The following LONRF1 variants were observed in gnomAD, a reference collection of about 807,000 sequenced individuals.
The protein encoded by LONRF1 is LON peptidase N-terminal domain and RING finger protein 1.
LONRF1 carries 37 observed loss-of-function variants against 85.8 expected under a neutral mutation model. That is an observed-to-expected ratio of 0.43 (90% CI 0.33 to 0.57). LONRF1 has a LOEUF of 0.57. Among genes scored for constraint, LONRF1 ranks in the 20% least tolerant of loss-of-function variants. The probability of loss-of-function intolerance (pLI) is 0.04; values close to 1 mark genes in which losing one functional copy is unlikely to be tolerated. For missense variants in LONRF1, 1,036 were observed against 978.0 expected, an observed-to-expected ratio of 1.06 and a Z score of -0.79; for synonymous variants, 517 against 390.1, an observed-to-expected ratio of 1.33 and a Z score of -3.83.
chr8:12,724,460 C>T (rs1806074484), intron 11 of LONRF1, among the ~76,000 whole-genome samples: 1 of 152,184 alleles, frequency 6.6e-6, no homozygotes, highest in Non-Finnish European at 1.5e-5. Flanking sequence ...GATTCCCTGA[C>T]TTCTGTAGGT....
chr8:12,739,191 G>A (rs1798834439), intron 3 of LONRF1, among the ~76,000 whole-genome samples: 1 of 151,956 alleles, frequency 6.6e-6, no homozygotes, highest in Non-Finnish European at 1.5e-5. Context: ...AATACTCATA[G>A]CAGCTTAGTT....
intron 9 of LONRF1, 33 bp downstream of exon 9, chr8:12,729,141 A>G: frequency 6.2e-7 from 1 of 1,613,102 alleles, no homozygotes; most frequent in Non-Finnish European, 8.5e-7. Flanking sequence ...GGTCTAACAT[A>G]AATACAAATA....
At position 12,729,317 on chromosome 8, in the gene LONRF1, A is replaced by C. The variant is rs1199771078; in HGVS notation, c.1704T>G (p.Val568=). ...AGGCCATAGTGCAAACAAATATTGG[A>C]ACATTCTTGGTCAAGCTAAGGGAAA... ...TAELSHLTKN[V]PIFVCTMAYP... Residue 568 remains valine (V), a synonymous_variant, in exon 9 of 12, where the codon GTT becomes GTG. Coordinates refer to ENST00000398246, the MANE Select transcript of LONRF1 (RefSeq NM_152271.5). 1 of 1,613,506 alleles carries C rather than the reference A, an allele frequency of 6.2e-7. No homozygotes were observed. Among genetic ancestry groups the C allele is most frequent in the Non-Finnish European group, 8.5e-7 (1 of 1,179,788 alleles).
chr8:12,743,795 G>A (rs888116286), intron 1 of LONRF1, among the ~76,000 whole-genome samples: 5 of 152,096 alleles, frequency 3.3e-5, no homozygotes, highest in Non-Finnish European at 7.4e-5. Context: ...TGGAGGAAAT[G>A]GGTTAATAAG....
At chr8:12,747,441 A>T (rs1296497383) in intron 1 of LONRF1, among the ~76,000 whole-genome samples, 2 of 152,248 alleles carry the variant, frequency 1.3e-5, no homozygotes, top group Non-Finnish European at 1.5e-5. Flanking sequence ...TAGAAATAAG[A>T]GGTAAAAACT....
intron 1 of LONRF1, among the ~76,000 whole-genome samples, chr8:12,750,296 A>G (rs1484168921): frequency 6.6e-6 from 1 of 152,230 alleles, no homozygotes; most frequent in East Asian, 1.9e-4. Context: ...ACAATAAGTA[A>G]GGACATAAAT....
At chr8:12,725,454 T>C (rs1005087304) in intron 11 of LONRF1, among the ~76,000 whole-genome samples, 2 of 152,164 alleles carry the variant, frequency 1.3e-5, no homozygotes, top group Non-Finnish European at 2.9e-5. Context: ...TACCCACTCC[T>C]AAAAATCCTC....
At chr8:12,728,772 A>G (rs1445734010) in intron 10 of LONRF1, 129 bp downstream of exon 10, 5 of 999,272 alleles carry the variant, frequency 5.0e-6, no homozygotes, top group Admixed American at 2.4e-5. Flanking sequence ...CTTGGAGCAC[A>G]TTCTCATCAC....
intron 10 of LONRF1, among the ~76,000 whole-genome samples, chr8:12,726,582 G>A (rs1002411492): frequency 1.3e-5 from 2 of 152,184 alleles, no homozygotes; most frequent in African/African-American, 4.8e-5. Context: ...AGATAGAAGA[G>A]TAGTCTCAGA....
intron 1 of LONRF1, chr8:12,753,190 C>T (rs1039783905): frequency 6.6e-6 from 1 of 152,170 alleles, no homozygotes; most frequent in Non-Finnish European, 1.5e-5. Flanking sequence ...CACGAAGGCA[C>T]TGAAAGAATA....
At position 12,737,981 on chromosome 8, in the gene LONRF1, G is replaced by C. The variant is rs779781330; in HGVS notation, c.1113+14C>G. On this transcript the variant is annotated intron_variant, in intron 4 of 11. Transcript: ENST00000398246. Reference sequence around the variant, plus strand: ...GATACGCTAAACTCATGATAACCTTGTCTCACCCCGTACCTGCTTTGGGCT... The same window carrying C: ...GATACGCTAAACTCATGATAACCTTCTCTCACCCCGTACCTGCTTTGGGCT... 1 of 1,593,980 alleles carries C rather than the reference G, an allele frequency of 6.3e-7. No homozygotes were observed. Among genetic ancestry groups the C allele is most frequent in the Non-Finnish European group, 8.5e-7 (1 of 1,173,744 alleles).
At chr8:12,748,047 C>T (rs1202857294) in intron 1 of LONRF1, among the ~76,000 whole-genome samples, 1 of 152,124 alleles carries the variant, frequency 6.6e-6, no homozygotes, top group African/African-American at 2.4e-5. Context: ...AAATATCCTA[C>T]TATATATACA....
chr8:12,754,445 G>C, intron 1 of LONRF1: 3 of 344,500 alleles, frequency 8.7e-6, no homozygotes, highest in Non-Finnish European at 1.5e-5. Flanking sequence ...CCGCGGCCGA[G>C]GGAACCCCGC....
Position 12,723,027 on chromosome 8 carries a change from G to A in LONRF1, c.*69C>T, listed in dbSNP as rs567310577. The A allele has an allele frequency of 5.0e-6, 7 of 1,400,648 alleles. No homozygotes were observed. The African/African-American group carries it at 8.7e-5, about 17-fold the overall frequency. The allele number at this position is 1,400,648 out of a possible 1,614,324, so 86.8% of individuals were successfully genotyped here. On this transcript the variant is annotated 3_prime_UTR_variant, in exon 12 of 12. Coordinates refer to ENST00000398246, the MANE Select transcript of LONRF1 (RefSeq NM_152271.5). Reference sequence around the variant, plus strand: ...CTGAAACCAGCACTAGATGTGCAAAGGCAGCAGACAATCTGGCCATCAATG... The same window carrying A: ...CTGAAACCAGCACTAGATGTGCAAAAGCAGCAGACAATCTGGCCATCAATG...
intron 1 of LONRF1, among the ~76,000 whole-genome samples, chr8:12,744,906 A>G (rs912326981): frequency 6.6e-6 from 1 of 151,794 alleles, no homozygotes; most frequent in Non-Finnish European, 1.5e-5. Flanking sequence ...TTTCTTATAC[A>G]TCAAGTTCTC....
chr8:12,732,253 T>A (rs1199855661), intron 7 of LONRF1, among the ~76,000 whole-genome samples: 1 of 152,178 alleles, frequency 6.6e-6, no homozygotes, highest in Non-Finnish European at 1.5e-5. Context: ...AAATAACACA[T>A]TTGCCTTATT....
intron 7 of LONRF1, among the ~76,000 whole-genome samples, chr8:12,735,064 C>G (rs951223734): frequency 1.6e-4 from 25 of 151,954 alleles, no homozygotes; most frequent in African/African-American, 5.8e-4. Flanking sequence ...AAATTAAGTA[C>G]AAGGGGGTTG....
At chr8:12,725,291 C>G (rs1009514505) in intron 11 of LONRF1, among the ~76,000 whole-genome samples, 1 of 152,082 alleles carries the variant, frequency 6.6e-6, no homozygotes, top group Non-Finnish European at 1.5e-5. Flanking sequence ...TTGGGAGATA[C>G]AAAGAAAGGT....
rs763762703 is a variant in LONRF1, at chr8:12,725,748, G to A, written c.2142C>T (p.Pro714=). ...ATACCTGAAGGTTTTCCTCCCTCTC[G>A]GGCATTGATCCGAAATGCTGAAGAA... ...SQILQHFGSM[P]EREENLQAAP... Residue 714 remains proline, a synonymous_variant, in exon 11 of 12, where the codon CCC becomes CCT. Coordinates refer to ENST00000398246, the MANE Select transcript of LONRF1 (RefSeq NM_152271.5). The A allele has an allele frequency of 1.2e-5, 19 of 1,612,792 alleles. No homozygotes were observed. Among genetic ancestry groups the A allele is most frequent in the Admixed American group, 1.2e-4 (7 of 59,986 alleles).
Sources: allele counts gnomAD v4.1 joint callset (sites outside exome capture counted in the v4.1 genomes callset), GRCh38; gene constraint gnomAD v4.1.1; transcripts MANE v1.5; gene names NCBI Gene and HGNC (gene_info 2026-07-23, HGNC 2026-07-21).